The following RPA1 variants were observed in gnomAD, a reference collection of about 807,000 sequenced individuals.
The protein encoded by RPA1 is replication protein A 70 kDa DNA-binding subunit.
In RPA1, 49 loss-of-function variants were observed where a neutral mutation model predicts 83.0. The observed-to-expected ratio is 0.59, with a 90% CI of 0.47 to 0.75. RPA1 has a LOEUF of 0.75. Among genes scored for constraint, RPA1 ranks in the 30% least tolerant of loss-of-function variants. The pLI is 0.00. For synonymous variants in RPA1, 279 were observed against 281.8 expected (o/e 0.99, Z 0.10); for missense variants, 693 against 776.1 (o/e 0.89, Z 1.27).
chr17:1,832,092 G>T (rs1390491170), intron 1 of RPA1, among the ~76,000 whole-genome samples: 1 of 151,342 alleles, frequency 6.6e-6, no homozygotes, highest in Non-Finnish European at 1.5e-5. Context: ...CCACACCTGC[G>T]TAATTTTTTG....
intron 4 of RPA1, among the ~76,000 whole-genome samples, chr17:1,850,252 G>A (rs1181749540): frequency 1.3e-5 from 2 of 150,150 alleles, no homozygotes; most frequent in Admixed American, 1.3e-4. Context: ...TAATCCTAGG[G>A]CTAGGCTGGT....
chr17:1,831,970 C>A (rs1281438955), intron 1 of RPA1, among the ~76,000 whole-genome samples: 2 of 149,758 alleles, frequency 1.3e-5, no homozygotes, highest in Non-Finnish European at 3.0e-5. Context: ...CACTACCGCC[C>A]CAGGCTGGAG....
At chr17:1,879,729 C>T in intron 11 of RPA1, 30 bp downstream of exon 11, 3 of 1,613,436 alleles carry the variant, frequency 1.9e-6, no homozygotes, top group Non-Finnish European at 2.5e-6. Flanking sequence ...CTTCAACACG[C>T]ACAGGACCTC....
chr17:1,831,958 C>G (rs1340132891), intron 1 of RPA1, among the ~76,000 whole-genome samples: 1 of 134,018 alleles, frequency 7.5e-6, no homozygotes, highest in African/African-American at 2.9e-5. Context: ...CCCATACCCC[C>G]CCACTACCGC....
chr17:1,866,308 T>C (rs1223658873), intron 5 of RPA1, among the ~76,000 whole-genome samples: 1 of 124,448 alleles, frequency 8.0e-6, no homozygotes, highest in Non-Finnish European at 2.0e-5. Context: ...TGCTTAGAGA[T>C]CTTTTTTTTT....
rs1213572747 is a variant in RPA1, at chr17:1,844,565, C to G, written c.164-13C>G. The G allele has an allele frequency of 6.2e-7, 1 of 1,608,338 alleles. No homozygotes were observed. Among genetic ancestry groups the G allele is most frequent in the Non-Finnish European group, 8.5e-7 (1 of 1,176,220 alleles). On this transcript the variant is annotated splice_polypyrimidine_tract_variant and intron_variant, in intron 3 of 16. Transcript: ENST00000254719. ...AGGATTTTGGAGGCTAAAGAAATCT[C>G]TGTGGTTTTCAGCTTTCATGTTGGC...
At chr17:1,831,189 G>A (rs1176373154) in intron 1 of RPA1, among the ~76,000 whole-genome samples, 1 of 152,082 alleles carries the variant, frequency 6.6e-6, no homozygotes, top group African/African-American at 2.4e-5. Context: ...TGCTTCAGAG[G>A]GTTTTAAGTT....
At chr17:1,831,534 A>G (rs1911584269) in intron 1 of RPA1, among the ~76,000 whole-genome samples, 2 of 143,680 alleles carry the variant, frequency 1.4e-5, no homozygotes, top group South Asian at 2.2e-4. Flanking sequence ...TCACCCCCAC[A>G]TTTTTTTTTA....
chr17:1,895,348 ATTTTTAT>A (rs1914369571), intron 16 of RPA1, among the ~76,000 whole-genome samples: 2 of 148,930 alleles, frequency 1.3e-5, no homozygotes, highest in Non-Finnish European at 3.0e-5. Flanking sequence ...TATTTTTTTT[ATTTTTAT>A]TTTTTTTCAG....
At chr17:1,880,793 C>T (rs930490840) in intron 12 of RPA1, 102 bp downstream of exon 12, 91 of 1,479,168 alleles carry the variant, frequency 6.2e-5, no homozygotes, top group Non-Finnish European at 6.6e-5. Flanking sequence ...AAGCCTTCGT[C>T]CCTGAGTGGT....
chr17:1,866,037 T>TG (rs1434169787), intron 5 of RPA1, among the ~76,000 whole-genome samples: 2 of 151,998 alleles, frequency 1.3e-5, no homozygotes, highest in Non-Finnish European at 2.9e-5. Flanking sequence ...GCTCAGGAGT[T>TG]TAAGACCAGC....
At chr17:1,873,231 C>G (rs1203520795) in intron 6 of RPA1, among the ~76,000 whole-genome samples, 1 of 152,128 alleles carries the variant, frequency 6.6e-6, no homozygotes, top group Non-Finnish European at 1.5e-5. Flanking sequence ...GACAGTATTA[C>G]TTATATTGGT....
Position 1,888,819 on chromosome 17 carries a change from T to A in RPA1, c.1519T>A (p.Phe507Ile). The change falls in exon 14 of 17, where the codon TTT becomes ATT. Residue 507 changes from phenylalanine (F) to isoleucine (I), a missense_variant. Phe to Ile is a conservative substitution (Grantham distance 21, BLOSUM62 0). Transcript: ENST00000254719. ...CCGCTGTGAGAAGTGCGACACCGAA[T>A]TTCCCAATTTCAAGTACCGCATGAT... The part of the protein sequence containing the change: ...LYRCEKCDTE[F>I]PNFKYRMILS... 1 of 1,614,026 alleles carries A rather than the reference T, an allele frequency of 6.2e-7. No individual in the cohort carries two copies. The highest frequency in any genetic ancestry group is 8.5e-7 in the Non-Finnish European group (1 of 1,179,898).
At chr17:1,850,915 C>G (rs1912471437) in intron 4 of RPA1, among the ~76,000 whole-genome samples, 1 of 152,024 alleles carries the variant, frequency 6.6e-6, no homozygotes. Context: ...TAAGAATTAT[C>G]TTAGCTTGCT....
chr17:1,864,290 A>G (rs1913097331), intron 5 of RPA1, among the ~76,000 whole-genome samples: 1 of 152,202 alleles, frequency 6.6e-6, no homozygotes. Context: ...TAATCCCAGC[A>G]CTTTGGGAGG....
At chr17:1,835,901 TC>T (rs1172660858) in intron 1 of RPA1, among the ~76,000 whole-genome samples, 1 of 151,950 alleles carries the variant, frequency 6.6e-6, no homozygotes, top group African/African-American at 2.4e-5. Flanking sequence ...TGCAGGAGGA[TC>T]CCTTGAGGCC....
chr17:1,886,063 C>A (rs1211186694), intron 13 of RPA1, among the ~76,000 whole-genome samples: 1 of 151,676 alleles, frequency 6.6e-6, no homozygotes, highest in Non-Finnish European at 1.5e-5. Context: ...ATATATTAAT[C>A]TCCTTGTACT....
intron 5 of RPA1, among the ~76,000 whole-genome samples, chr17:1,865,114 G>A (rs1913129905): frequency 6.6e-6 from 1 of 152,208 alleles, no homozygotes; most frequent in African/African-American, 2.4e-5. Context: ...ATCGCAGAAT[G>A]TTGAGGTAGA....
intron 5 of RPA1, among the ~76,000 whole-genome samples, chr17:1,859,048 G>T (rs1912836949): frequency 6.6e-6 from 1 of 151,560 alleles, no homozygotes; most frequent in African/African-American, 2.4e-5. Context: ...GACTACAGGT[G>T]CCTGCCACCA....
Sources: gnomAD v4.1 joint callset for allele counts (sites outside exome capture counted in the v4.1 genomes callset) on GRCh38, gnomAD v4.1.1 for gene constraint, MANE v1.5 for transcripts, NCBI Gene and HGNC (gene_info 2026-07-23, HGNC 2026-07-21) for gene names.